RUSC2: variants seen among roughly 807,000 people sequenced by gnomAD.
RUSC2 encodes the protein AP-4 complex accessory subunit RUSC2.
RUSC2 carries 34 observed loss-of-function variants against 122.2 expected under a neutral mutation model. The observed-to-expected ratio is 0.28, with a 90% CI of 0.21 to 0.37. RUSC2 has a LOEUF of 0.37. Ranked by LOEUF, RUSC2 falls within the 10% of genes least tolerant of loss-of-function variation. The pLI is 1.00. For missense variants in RUSC2, 1,747 were observed against 1,952.4 expected, an observed-to-expected ratio of 0.89 and a Z score of 1.98; for synonymous variants, 784 against 790.0, an observed-to-expected ratio of 0.99 and a Z score of 0.13.
At chr9:35,533,202 G>A (rs1043519667) in intron 1 of RUSC2, among the ~76,000 whole-genome samples, 7 of 150,998 alleles carry the variant, frequency 4.6e-5, no homozygotes, top group Non-Finnish European at 1.0e-4. Context: ...AGCCGAGATC[G>A]TGCCACTGCA....
In RUSC2 at chr9:35,557,853, C is replaced by A; in HGVS notation, c.2984-61C>A. Reference sequence around the variant, plus strand: ...TCCCTGAGGAAACCTGAGGTTTCAGCCCCAGCTGAGTTGGTTAAGGACTTG... The same window carrying A: ...TCCCTGAGGAAACCTGAGGTTTCAGACCCAGCTGAGTTGGTTAAGGACTTG... On this transcript the variant is annotated intron_variant, in intron 5 of 11. Transcript: ENST00000361226. This position sits in a 1 kb window ranked among gnomAD's most constrained non-coding sequence, Gnocchi z 4.6. 1 of 1,448,366 alleles carries A rather than the reference C, an allele frequency of 6.9e-7. No individual in the cohort carries two copies. Among genetic ancestry groups the A allele is most frequent in the Non-Finnish European group, 9.7e-7 (1 of 1,028,984 alleles). The allele number at this position is 1,448,366 out of a possible 1,614,324, so 89.7% of individuals were successfully genotyped here.
intron 1 of RUSC2, among the ~76,000 whole-genome samples, chr9:35,522,869 G>A (rs768716057): frequency 6.6e-6 from 1 of 152,230 alleles, no homozygotes; most frequent in African/African-American, 2.4e-5. Flanking sequence ...TACCCAGTAA[G>A]TCAGCACAAA....
intron 1 of RUSC2, among the ~76,000 whole-genome samples, chr9:35,541,647 A>G (rs1821644800): frequency 6.6e-6 from 1 of 152,054 alleles, no homozygotes; most frequent in South Asian, 2.1e-4. Context: ...GGGTTTCACC[A>G]TGTTGGCCAG....
intron 1 of RUSC2, among the ~76,000 whole-genome samples, chr9:35,492,536 G>A (rs986599135): frequency 4.0e-5 from 6 of 151,866 alleles, no homozygotes; most frequent in South Asian, 2.1e-4. Context: ...TCCGTCATAC[G>A]AAACGAGAGC....
chr9:35,509,223 A>T (rs1820971571), intron 1 of RUSC2, among the ~76,000 whole-genome samples: 1 of 152,210 alleles, frequency 6.6e-6, no homozygotes, highest in African/African-American at 2.4e-5. Flanking sequence ...GCTACTCAGG[A>T]TGCTGAGGCA....
intron 1 of RUSC2, among the ~76,000 whole-genome samples, chr9:35,530,808 T>C (rs923245000): frequency 6.6e-6 from 1 of 151,656 alleles, no homozygotes; most frequent in Non-Finnish European, 1.5e-5. Flanking sequence ...CCTGGCTAAT[T>C]TTTGTATTTT....
In RUSC2 at chr9:35,506,527, G is replaced by T. The variant is rs567847237; in HGVS notation, c.-93+16355G>T. ...TAGAATGAATAGAGAATGAATGAAT[G>T]AATTACAGGGTTTGAACTGACATTA... On this transcript the variant is annotated intron_variant, in intron 1 of 11. Transcript: ENST00000361226. Among the ~76,000 whole-genome samples, 3 of 152,282 alleles carry T rather than the reference G, an allele frequency of 2.0e-5. No individual in the cohort carries two copies. The South Asian group carries it at 6.2e-4, about 32-fold the overall frequency.
chr9:35,506,655 G>A (rs1203813608), intron 1 of RUSC2, among the ~76,000 whole-genome samples: 2 of 152,134 alleles, frequency 1.3e-5, no homozygotes, highest in African/African-American at 4.8e-5. Context: ...TGGCACCCAG[G>A]ATGAGTATGA....
chr9:35,532,025 AAAAAC>A (rs1377075861), intron 1 of RUSC2, among the ~76,000 whole-genome samples: 2 of 152,164 alleles, frequency 1.3e-5, no homozygotes, highest in African/African-American at 2.4e-5. Flanking sequence ...GACTCTGTCT[AAAAAC>A]AAAACAAAAA....
At chr9:35,502,887 T>A (rs563076898) in intron 1 of RUSC2, among the ~76,000 whole-genome samples, 3 of 152,056 alleles carry the variant, frequency 2.0e-5, no homozygotes, top group Admixed American at 2.0e-4. Flanking sequence ...TGAGACGGAG[T>A]TTTGCTCTTG....
chr9:35,523,529 A>C (rs1385257826), intron 1 of RUSC2, among the ~76,000 whole-genome samples: 2 of 152,194 alleles, frequency 1.3e-5, no homozygotes, highest in African/African-American at 2.4e-5. Context: ...AAAAAGCCAA[A>C]TAGTGGCTGG....
At chr9:35,496,793 G>GT (rs1164710483) in intron 1 of RUSC2, among the ~76,000 whole-genome samples, 1 of 152,122 alleles carries the variant, frequency 6.6e-6, no homozygotes, top group Non-Finnish European at 1.5e-5. Flanking sequence ...AAAACAATAT[G>GT]TAACAGATCC....
chr9:35,546,897 G>A lies in RUSC2; in HGVS notation c.376G>A (p.Ala126Thr), dbSNP rs776618476. ...GTATGATGACAGCATTGGTGACAGTGCCACCCAGCAGTCCTTCCACCTGCA... is the reference window on the plus strand; with the variant it reads ...GTATGATGACAGCATTGGTGACAGTACCACCCAGCAGTCCTTCCACCTGCA... ...DLYDDSIGDS[A>T]TQQSFHLHGT... is the part of the protein sequence containing the mutation. Residue 126 changes from alanine (A) to threonine (T), a missense_variant, in exon 2 of 12, where the codon GCC becomes ACC. By Grantham distance (58) the Ala-to-Thr change is moderately conservative. Coordinates refer to ENST00000361226, the MANE Select transcript of RUSC2 (RefSeq NM_014806.5). This position sits in a 1 kb window ranked among gnomAD's most constrained non-coding sequence, Gnocchi z 4.3. The A allele has an allele frequency of 6.3e-6, 10 of 1,585,602 alleles. 1 individual carries two copies. The highest frequency in any genetic ancestry group is 8.6e-6 in the Non-Finnish European group (10 of 1,166,078).
In RUSC2 at chr9:35,561,260, C is replaced by T. The variant is rs1186741111; in HGVS notation, c.4429C>T (p.Leu1477=). 1 of 1,614,214 alleles carries T rather than the reference C, an allele frequency of 6.2e-7. No homozygotes were observed. Among genetic ancestry groups the T allele is most frequent in the East Asian group, 2.2e-5 (1 of 44,880 alleles). The change falls in exon 12 of 12, where the codon CTG becomes TTG. Residue 1477 remains leucine (L), a synonymous_variant. Transcript: ENST00000361226. ...SFHKGDILRV[L]GRAGGDWLRC... Reference sequence around the variant, plus strand: ...CCACAAAGGAGACATCCTACGAGTGCTGGGGCGAGCTGGAGGAGACTGGCT... The same window carrying T: ...CCACAAAGGAGACATCCTACGAGTGTTGGGGCGAGCTGGAGGAGACTGGCT...
chr9:35,539,383 T>G (rs1462517389), intron 1 of RUSC2, among the ~76,000 whole-genome samples: 1 of 152,022 alleles, frequency 6.6e-6, no homozygotes, highest in Admixed American at 6.6e-5. Context: ...CCTTCCTTTT[T>G]GGGCATTTCT....
chr9:35,529,039 G>T (rs1821372558), intron 1 of RUSC2, among the ~76,000 whole-genome samples: 1 of 152,048 alleles, frequency 6.6e-6, no homozygotes. Context: ...CAATATTAAT[G>T]GTTCTATTAT....
chr9:35,522,414 GCCT>G (rs555067244), intron 1 of RUSC2, among the ~76,000 whole-genome samples: 2 of 152,342 alleles, frequency 1.3e-5, no homozygotes, highest in South Asian at 4.1e-4. Context: ...GGGGCATTAG[GCCT>G]CCTCTGCTTC....
At chr9:35,544,056 T>G (rs1034704427) in intron 1 of RUSC2, among the ~76,000 whole-genome samples, 3 of 152,214 alleles carry the variant, frequency 2.0e-5, no homozygotes, top group African/African-American at 7.2e-5. Flanking sequence ...TGCACCATTT[T>G]ACAATACTCC....
chr9:35,522,667 A>G (rs13296874), intron 1 of RUSC2, among the ~76,000 whole-genome samples: 42 of 152,320 alleles, frequency 2.8e-4, no homozygotes. Context: ...TAATTGGCTC[A>G]CAAGATGATA....
Sources: allele counts gnomAD v4.1 joint callset (sites outside exome capture counted in the v4.1 genomes callset), GRCh38; gene constraint gnomAD v4.1.1; non-coding constraint Gnocchi (gnomAD v3.1); transcripts MANE v1.5; gene names NCBI Gene and HGNC (gene_info 2026-07-23, HGNC 2026-07-21).